DOK6: variants seen among roughly 807,000 people sequenced by gnomAD.
The protein encoded by DOK6 is downstream of tyrosine kinase 6.
A neutral mutation model predicts 44.0 loss-of-function variants in DOK6; 22 were observed. The ratio of observed to expected loss-of-function variants is 0.50; its 90% CI spans 0.36 to 0.71. The LOEUF (loss-of-function observed/expected upper bound fraction) is 0.71, where lower values mean the gene tolerates loss of function less well. DOK6 is among the 30% of genes least tolerant of loss of function. The pLI is 0.00. For missense variants in DOK6, 340 were observed against 416.4 expected (o/e 0.82, Z 1.60); for synonymous variants, 166 against 145.5 (o/e 1.14, Z -1.01).
chr18:69,484,845 G>A (rs963583964), intron 1 of DOK6, among the ~76,000 whole-genome samples: 1 of 151,958 alleles, frequency 6.6e-6, no homozygotes, highest in African/African-American at 2.4e-5. Context: ...TGGTGACATC[G>A]CCAACAAAAA....
In DOK6 at chr18:69,844,480, C is replaced by A. The variant is rs1982304714; in HGVS notation, c.*3097C>A. ...AATTTTTTCTTCTGATAATATTAAT[C>A]AATGTACACATGATTGATGCATGAT... On this transcript the variant is annotated 3_prime_UTR_variant, in exon 8 of 8. Coordinates refer to ENST00000382713, the MANE Select transcript of DOK6 (RefSeq NM_152721.6). 1 of 151,964 alleles carries A rather than the reference C, an allele frequency of 6.6e-6. No individual in the cohort carries two copies. The allele number at this position is 151,964 out of a possible 1,614,324, so 9.4% of individuals were successfully genotyped here. A position where few individuals can be genotyped will look rare whatever the true frequency, so the allele number is the denominator to read the frequency against.
At chr18:69,812,233 A>G (rs563221786) in intron 7 of DOK6, among the ~76,000 whole-genome samples, 1 of 152,230 alleles carries the variant, frequency 6.6e-6, no homozygotes, top group South Asian at 2.1e-4. Context: ...CCAGAGTTAC[A>G]TACTCTCAGC....
intron 4 of DOK6, among the ~76,000 whole-genome samples, chr18:69,678,494 G>T (rs1985974933): frequency 6.6e-6 from 1 of 152,140 alleles, no homozygotes. Flanking sequence ...AACAGATTTG[G>T]CTTATCAGGT....
intron 3 of DOK6, among the ~76,000 whole-genome samples, chr18:69,654,286 G>A (rs1365331150): frequency 6.6e-6 from 1 of 152,192 alleles, no homozygotes; most frequent in Non-Finnish European, 1.5e-5. Context: ...GGAAATATTT[G>A]AATGGAAATT....
intron 4 of DOK6, among the ~76,000 whole-genome samples, chr18:69,685,661 A>G (rs1986137173): frequency 6.6e-6 from 1 of 152,220 alleles, no homozygotes; most frequent in Non-Finnish European, 1.5e-5. Flanking sequence ...TCATATATAC[A>G]TTAAAGCTTG....
At chr18:69,492,420 T>G (rs1438785214) in intron 1 of DOK6, among the ~76,000 whole-genome samples, 2 of 152,194 alleles carry the variant, frequency 1.3e-5, no homozygotes, top group East Asian at 3.9e-4. Flanking sequence ...TTTATTTTAT[T>G]TTATTATTTT....
chr18:69,612,040 T>C (rs1196717393), intron 3 of DOK6, among the ~76,000 whole-genome samples: 2 of 152,152 alleles, frequency 1.3e-5, no homozygotes, highest in Non-Finnish European at 2.9e-5. Flanking sequence ...TGTCATATTA[T>C]ACTGCTCTTT....
At chr18:69,691,382 C>T (rs138365052) in intron 4 of DOK6, among the ~76,000 whole-genome samples, 11 of 151,754 alleles carry the variant, frequency 7.2e-5, no homozygotes, top group Non-Finnish European at 8.8e-5. Context: ...AGAATATTCA[C>T]CCCTCTCAAG....
At chr18:69,832,816 C>T (rs1981939783) in intron 7 of DOK6, 1 of 151,862 alleles carries the variant, frequency 6.6e-6, no homozygotes, top group South Asian at 2.1e-4. Context: ...TTTACAATAG[C>T]TATTAATACA....
At chr18:69,565,694 T>C (rs1284219767) in intron 2 of DOK6, among the ~76,000 whole-genome samples, 2 of 152,148 alleles carry the variant, frequency 1.3e-5, no homozygotes, top group African/African-American at 4.8e-5. Context: ...TACATTGATA[T>C]AGATTTACTG....
intron 1 of DOK6, among the ~76,000 whole-genome samples, chr18:69,552,538 T>G (rs975830194): frequency 6.6e-6 from 1 of 152,226 alleles, no homozygotes; most frequent in Non-Finnish European, 1.5e-5. Flanking sequence ...ACATGTGTAT[T>G]TATTGATAAG....
intron 6 of DOK6, among the ~76,000 whole-genome samples, chr18:69,749,901 G>A (rs570380421): frequency 1.9e-4 from 28 of 149,026 alleles, no homozygotes; most frequent in African/African-American, 5.2e-4. Context: ...CCAAGACTGC[G>A]CCACTGCACT....
chr18:69,742,478 GC>G (rs1245251724), intron 6 of DOK6, among the ~76,000 whole-genome samples: 1 of 151,280 alleles, frequency 6.6e-6, no homozygotes, highest in Non-Finnish European at 1.5e-5. Flanking sequence ...CATTGCATTT[GC>G]CACTCAAAAG....
rs188182273 is a variant in DOK6 at position 69,426,746 on chromosome 18, T to G, written c.66+25436T>G. 3.6e-3 allele frequency among the ~76,000 whole-genome samples: 548 copies of G among 152,348 alleles called. 3 individuals are homozygous for G. Among genetic ancestry groups the G allele is most frequent in the Non-Finnish European group, 6.2e-3 (422 of 68,030 alleles). Reference sequence around the variant, plus strand: ...AATATGATATGTGTCACATTTTGACTATTTTCTCCACCTAGTCATTCTTCA... The same window carrying G: ...AATATGATATGTGTCACATTTTGACGATTTTCTCCACCTAGTCATTCTTCA... On this transcript the variant is annotated intron_variant, in intron 1 of 7. Coordinates refer to ENST00000382713, the MANE Select transcript of DOK6 (RefSeq NM_152721.6).
At chr18:69,807,992 T>A (rs1241214399) in intron 7 of DOK6, among the ~76,000 whole-genome samples, 1 of 151,810 alleles carries the variant, frequency 6.6e-6, no homozygotes, top group African/African-American at 2.4e-5. Context: ...CAGCAGAATA[T>A]ACATTTTTCT....
intron 4 of DOK6, among the ~76,000 whole-genome samples, chr18:69,679,787 G>T (rs749554581): frequency 2.0e-5 from 3 of 152,056 alleles, no homozygotes; most frequent in East Asian, 1.9e-4. Context: ...TACTTCTTTG[G>T]TTTATCATAA....
chr18:69,579,978 TG>T (rs1983329125), intron 2 of DOK6, among the ~76,000 whole-genome samples: 1 of 152,196 alleles, frequency 6.6e-6, no homozygotes, highest in South Asian at 2.1e-4. Flanking sequence ...CAAACTGATC[TG>T]GTCAGTCTCA....
rs148437807 is a variant in DOK6, at chr18:69,550,415, G to C, written c.67-14072G>C. ...AACAAAACAGAATAAAAACAAAGATGCTGTATTAATTAATTTGAGAAACAA... is the reference window on the plus strand; with the variant it reads ...AACAAAACAGAATAAAAACAAAGATCCTGTATTAATTAATTTGAGAAACAA... On this transcript the variant is annotated intron_variant, in intron 1 of 7. Transcript: ENST00000382713. Among the ~76,000 whole-genome samples the C allele has an allele frequency of 6.2e-4, 95 of 152,228 alleles. 2 individuals carry two copies. The highest frequency in any genetic ancestry group is 2.1e-3 in the African/African-American group (89 of 41,554).
chr18:69,469,403 G>C, intron 1 of DOK6: 1 of 151,048 alleles, frequency 6.6e-6, no homozygotes, highest in East Asian at 1.9e-4. Flanking sequence ...CGCAGGATAG[G>C]GAAAGGTAAT....
Sources: allele counts gnomAD v4.1 joint callset (sites outside exome capture counted in the v4.1 genomes callset), GRCh38; gene constraint gnomAD v4.1.1; transcripts MANE v1.5; gene names NCBI Gene and HGNC (gene_info 2026-07-23, HGNC 2026-07-21).